The following TRABD2B variants were observed in gnomAD, a reference collection of about 807,000 sequenced individuals.
TRABD2B encodes the protein TraB domain containing 2B.
TRABD2B carries 14 observed loss-of-function variants against 40.1 expected under a neutral mutation model. The observed-to-expected ratio is 0.35, with a 90% CI of 0.23 to 0.55. TRABD2B has a LOEUF of 0.55. TRABD2B is among the 20% of genes least tolerant of loss of function. The probability of loss-of-function intolerance (pLI) is 0.90; values close to 1 mark genes in which losing one functional copy is unlikely to be tolerated. For missense variants in TRABD2B, 541 were observed against 648.6 expected (o/e 0.83, Z 1.80); for synonymous variants, 263 against 277.0 (o/e 0.95, Z 0.50).
rs146625115 is a variant in TRABD2B, at chr1:47,918,569, T to C, written c.666+75465A>G. Reference sequence around the variant, plus strand: ...CATAAAGAAATTCTTGTTGAGTTTATGAATACCCCCTCCCTCCTTCTCTTC... The same window carrying C: ...CATAAAGAAATTCTTGTTGAGTTTACGAATACCCCCTCCCTCCTTCTCTTC... On this transcript the variant is annotated intron_variant, in intron 2 of 6. Transcript: ENST00000606738. Among the ~76,000 whole-genome samples, 48 of 152,296 alleles carry C rather than the reference T, an allele frequency of 3.2e-4. No homozygotes were observed. The East Asian group carries it at 6.8e-3, about 21-fold the overall frequency.
At chr1:47,808,254 C>A (rs1644918440) in intron 2 of TRABD2B, among the ~76,000 whole-genome samples, 1 of 152,098 alleles carries the variant, frequency 6.6e-6, no homozygotes, top group Non-Finnish European at 1.5e-5. Context: ...GCCTGCCCTG[C>A]AAATTTTAGA....
In TRABD2B at chr1:47,764,211, G is replaced by T. The variant is rs1299264447; in HGVS notation, c.*1691C>A. 1 of 152,286 alleles carries T rather than the reference G, an allele frequency of 6.6e-6. No individual in the cohort carries two copies. The highest frequency in any genetic ancestry group is 2.4e-5 in the African/African-American group (1 of 41,474). The allele number at this position is 152,286 out of a possible 1,614,324, so 9.4% of individuals were successfully genotyped here. A position where few individuals can be genotyped will look rare whatever the true frequency, so the allele number is the denominator to read the frequency against. On this transcript the variant is annotated 3_prime_UTR_variant, in exon 7 of 7. Coordinates refer to ENST00000606738, the MANE Select transcript of TRABD2B (RefSeq NM_001194986.2). ...ACCCACGAAGCTATAAAGTTGGGGT[G>T]CACTGGGCTGGGAGTCAGCAGGCCC...
intron 4 of TRABD2B, among the ~76,000 whole-genome samples, chr1:47,787,525 T>G (rs1217574200): frequency 6.6e-6 from 1 of 152,140 alleles, no homozygotes; most frequent in Admixed American, 6.5e-5. Flanking sequence ...CTACAAATGC[T>G]CCTGCTTAGC....
intron 2 of TRABD2B, among the ~76,000 whole-genome samples, chr1:47,876,514 T>C (rs1003536153): frequency 4.6e-5 from 7 of 152,200 alleles, no homozygotes; most frequent in African/African-American, 1.7e-4. Context: ...ACTAAGTACC[T>C]ACAAGTGGGG....
At chr1:47,976,279 G>A (rs1027984886) in intron 2 of TRABD2B, among the ~76,000 whole-genome samples, 1 of 152,148 alleles carries the variant, frequency 6.6e-6, no homozygotes, top group Non-Finnish European at 1.5e-5. Context: ...TACACACTGG[G>A]AGGCCTGCAG....
chr1:47,957,359 G>A (rs1461154966), intron 2 of TRABD2B, among the ~76,000 whole-genome samples: 1 of 152,210 alleles, frequency 6.6e-6, no homozygotes, highest in Middle Eastern at 3.2e-3. Flanking sequence ...GATGGAGAAT[G>A]ACTTCGACGA....
intron 2 of TRABD2B, among the ~76,000 whole-genome samples, chr1:47,912,714 G>A (rs1024375614): frequency 3.3e-5 from 5 of 152,156 alleles, no homozygotes; most frequent in African/African-American, 1.2e-4. Flanking sequence ...CTTCGTCTCG[G>A]TCACCTCAGG....
In TRABD2B at chr1:47,883,039, C is replaced by T. The variant is rs538597405; in HGVS notation, c.667-81420G>A. 7.2e-5 allele frequency among the ~76,000 whole-genome samples: 11 copies of T among 152,272 alleles called. 1 individual carries two copies. Among genetic ancestry groups the T allele is most frequent in the African/African-American group, 2.4e-4 (10 of 41,554 alleles). On this transcript the variant is annotated intron_variant, in intron 2 of 6. Transcript: ENST00000606738. ...TCCAATGTGAGCTTTCCTTGAAGAA[C>T]TTACAAATAATAATTATCATTCTAG... is the stretch of plus-strand genomic sequence containing the variant.
In TRABD2B at chr1:47,778,445, G is replaced by A; in HGVS notation, c.1079+9C>T. ...AGTGAGGGCCAAGGCACACCCAGAT[G>A]TGGCTTACCTGTGTATGGCCTGCCC... is the stretch of plus-strand genomic sequence containing the variant. On this transcript the variant is annotated intron_variant, in intron 5 of 6. Transcript: ENST00000606738. 1 of 1,533,590 alleles carries A rather than the reference G, an allele frequency of 6.5e-7. No individual in the cohort carries two copies. Among genetic ancestry groups the A allele is most frequent in the South Asian group, 1.2e-5 (1 of 84,012 alleles). The allele number at this position is 1,533,590 out of a possible 1,614,324, so 95.0% of individuals were successfully genotyped here.
chr1:47,866,114 A>G lies in TRABD2B; in HGVS notation c.667-64495T>C, dbSNP rs148973835. Among the ~76,000 whole-genome samples, 19 of 152,146 alleles carry G rather than the reference A, an allele frequency of 1.2e-4. 1 individual carries two copies. The South Asian group carries it at 3.5e-3, about 28-fold the overall frequency. On this transcript the variant is annotated intron_variant, in intron 2 of 6. Coordinates refer to ENST00000606738, the MANE Select transcript of TRABD2B (RefSeq NM_001194986.2). The stretch of plus-strand genomic sequence containing the variant: ...TGCCACTGTATTCTGCTCTGTGCGC[A>G]AGCAGGAAGGTGAGCCCTGTCCATG...
At chr1:47,838,165 C>A (rs1339430450) in intron 2 of TRABD2B, among the ~76,000 whole-genome samples, 1 of 152,224 alleles carries the variant, frequency 6.6e-6, no homozygotes, top group Non-Finnish European at 1.5e-5. Context: ...CTCACCCTAC[C>A]CCACTTCCAA....
intron 2 of TRABD2B, among the ~76,000 whole-genome samples, chr1:47,941,511 C>G (rs1645188080): frequency 1.3e-5 from 2 of 152,226 alleles, no homozygotes; most frequent in Non-Finnish European, 2.9e-5. Context: ...AAGTGAACTA[C>G]ATTGAGAACT....
At chr1:47,905,179 G>T (rs1472583231) in intron 2 of TRABD2B, among the ~76,000 whole-genome samples, 3 of 152,240 alleles carry the variant, frequency 2.0e-5, no homozygotes, top group Non-Finnish European at 2.9e-5. Context: ...ATGGAATGAG[G>T]TAACACATGT....
At position 47,994,656 on chromosome 1, in the gene TRABD2B, G is replaced by A; in HGVS notation, c.103-59C>T. On this transcript the variant is annotated intron_variant, in intron 1 of 6. Coordinates refer to ENST00000606738, the MANE Select transcript of TRABD2B (RefSeq NM_001194986.2). This position sits in a 1 kb window ranked among gnomAD's most constrained non-coding sequence, Gnocchi z 6.7. ...CCGAAGGCAACAGAGTAGAGTCAGG[G>A]TAGCCCAGAGGCACGTTGCAGAGGG... 2.7e-6 allele frequency: 4 copies of A among 1,455,074 alleles called. No homozygotes were observed. The highest frequency in any genetic ancestry group is 3.7e-6 in the Non-Finnish European group (4 of 1,090,844). 90.1% of individuals were successfully genotyped at this position (1,455,074 alleles called of 1,614,324 possible).
intron 4 of TRABD2B, among the ~76,000 whole-genome samples, chr1:47,790,042 T>C (rs1208742576): frequency 6.6e-6 from 1 of 152,198 alleles, no homozygotes; most frequent in Non-Finnish European, 1.5e-5. Context: ...CCCACCATCA[T>C]CTTTTTAATT....
At chr1:47,873,484 C>A (rs192635513) in intron 2 of TRABD2B, among the ~76,000 whole-genome samples, 124 of 152,246 alleles carry the variant, frequency 8.1e-4, no homozygotes, top group South Asian at 6.7e-3. Context: ...AAGCAAAAGT[C>A]AGCAGGGGCA....
At position 47,813,798 on chromosome 1, in the gene TRABD2B, G is replaced by C. The variant is rs1486419912; in HGVS notation, c.667-12179C>G. Among the ~76,000 whole-genome samples, 1 of 152,198 alleles carries C rather than the reference G, an allele frequency of 6.6e-6. No individual in the cohort carries two copies. Among genetic ancestry groups the C allele is most frequent in the Non-Finnish European group, 1.5e-5 (1 of 68,042 alleles). On this transcript the variant is annotated intron_variant, in intron 2 of 6. Coordinates refer to ENST00000606738, the MANE Select transcript of TRABD2B (RefSeq NM_001194986.2). The surrounding 1 kb of genome is among the most constrained non-coding windows in gnomAD (Gnocchi z 4.3). ...GAGAGGCTGGAATTCTGCATATGTG[G>C]ATGAGATTTCCGTTCTCTCTTCAGT...
At chr1:47,958,044 G>T (rs2148398476) in intron 2 of TRABD2B, among the ~76,000 whole-genome samples, 1 of 152,288 alleles carries the variant, frequency 6.6e-6, no homozygotes. Context: ...AATAGAGTAG[G>T]GGTCAATATT....
chr1:47,996,297 G>A lies in TRABD2B; in HGVS notation c.102+391C>T, dbSNP rs962524375. ...AATGGGAGAGCAAAAGGGTTCGATG[G>A]AAGTCAAGAGAAGGGCAAGGAACGG... On this transcript the variant is annotated intron_variant, in intron 1 of 6. Coordinates refer to ENST00000606738, the MANE Select transcript of TRABD2B (RefSeq NM_001194986.2). The surrounding 1 kb of genome is among the most constrained non-coding windows in gnomAD (Gnocchi z 4.6). Among the ~76,000 whole-genome samples the A allele has an allele frequency of 2.6e-5, 4 of 152,094 alleles. No individual in the cohort carries two copies. The highest frequency in any genetic ancestry group is 9.7e-5 in the African/African-American group (4 of 41,430).
Sources: gnomAD v4.1 joint callset for allele counts (sites outside exome capture counted in the v4.1 genomes callset) on GRCh38, gnomAD v4.1.1 for gene constraint, Gnocchi (gnomAD v3.1) non-coding constraint, MANE v1.5 for transcripts, NCBI Gene and HGNC (gene_info 2026-07-23, HGNC 2026-07-21) for gene names.